The following VPS13B variants were observed in gnomAD, a reference collection of about 807,000 sequenced individuals.
VPS13B encodes the protein intermembrane lipid transfer protein VPS13B.
A neutral mutation model predicts 426.4 loss-of-function variants in VPS13B; 285 were observed. The observed-to-expected ratio is 0.67, with a 90% CI of 0.61 to 0.74. VPS13B has a LOEUF of 0.74. Ranked by LOEUF, VPS13B falls within the 30% of genes least tolerant of loss-of-function variation. VPS13B has a pLI of 0.00. For synonymous variants in VPS13B, 1,676 were observed against 1,676.4 expected, an observed-to-expected ratio of 1.00 and a Z score of 0.01; for missense variants, 4,537 against 4,782.6, an observed-to-expected ratio of 0.95 and a Z score of 1.51.
chr8:99,188,962 C>T (rs545882157), intron 16 of VPS13B, among the ~76,000 whole-genome samples: 15 of 152,262 alleles, frequency 9.9e-5, no homozygotes, highest in South Asian at 2.1e-4. Context: ...ATTATGAGAG[C>T]GATCTCGGCT....
At chr8:99,211,926 T>C (rs1386109784) in intron 17 of VPS13B, among the ~76,000 whole-genome samples, 1 of 152,156 alleles carries the variant, frequency 6.6e-6, no homozygotes, top group Non-Finnish European at 1.5e-5. Context: ...AGAGTCTTAC[T>C]CTGTCACCCA....
In VPS13B at chr8:99,336,052, G is replaced by A. The variant is rs576805436; in HGVS notation, c.2825-48156G>A. Reference sequence around the variant, plus strand: ...ATGGCACCAAAAAAGAGCCCGCATCGCCAAGTCAATCCTAAGCCAAAGAAC... The same window carrying A: ...ATGGCACCAAAAAAGAGCCCGCATCACCAAGTCAATCCTAAGCCAAAGAAC... On this transcript the variant is annotated intron_variant, in intron 19 of 61. Coordinates refer to ENST00000357162, the MANE Select transcript of VPS13B (RefSeq NM_152564.5). Among the ~76,000 whole-genome samples, 618 of 152,224 alleles carry A rather than the reference G, an allele frequency of 4.1e-3. 4 individuals are homozygous for A. Among genetic ancestry groups the A allele is most frequent in the Non-Finnish European group, 7.1e-3 (480 of 68,018 alleles).
chr8:99,687,735 A>G (rs1370539070), intron 35 of VPS13B, among the ~76,000 whole-genome samples: 1 of 152,080 alleles, frequency 6.6e-6, no homozygotes, highest in Non-Finnish European at 1.5e-5. Flanking sequence ...TCCACAGTTC[A>G]AGACTGTCTT....
rs768029540 is a variant in VPS13B, at chr8:99,854,198, G to A, written c.10809G>A (p.Ala3603=). The A allele has an allele frequency of 1.4e-5, 22 of 1,613,902 alleles. No homozygotes were observed. The highest frequency in any genetic ancestry group is 5.0e-5 in the Admixed American group (3 of 60,006). The stretch of plus-strand genomic sequence containing the variant: ...AAAGAGGACCCATCTTCACCACTGC[G>A]AGGCAGCTTGTGCACGCCCTGGCAA... ...VFERGPIFTT[A]RQLVHALAMH... The change falls in exon 56 of 62, where the codon GCG becomes GCA. Residue 3603 remains alanine, a synonymous_variant. Transcript: ENST00000357162.
chr8:99,351,793 A>G (rs1811909668), intron 19 of VPS13B, among the ~76,000 whole-genome samples: 1 of 152,176 alleles, frequency 6.6e-6, no homozygotes, highest in Non-Finnish European at 1.5e-5. Context: ...GAAAGCTGAC[A>G]TATGATAGTT....
At chr8:99,047,448 A>G (rs1750748123) in intron 3 of VPS13B, among the ~76,000 whole-genome samples, 1 of 146,036 alleles carries the variant, frequency 6.8e-6, no homozygotes, top group Non-Finnish European at 1.5e-5. Flanking sequence ...CTAATGGTCT[A>G]TCTGTTTTAC....
intron 8 of VPS13B, among the ~76,000 whole-genome samples, chr8:99,128,186 C>T (rs933523822): frequency 5.9e-5 from 9 of 151,450 alleles, no homozygotes; most frequent in Admixed American, 2.6e-4. Flanking sequence ...GTCAGGAGTT[C>T]GAGACCAGCC....
intron 25 of VPS13B, among the ~76,000 whole-genome samples, chr8:99,492,640 G>C: frequency 6.6e-6 from 1 of 152,208 alleles, no homozygotes; most frequent in East Asian, 1.9e-4. Flanking sequence ...CGCTAGCAGT[G>C]AGCAAGCCTC....
chr8:99,056,453 G>A (rs1301385066), intron 3 of VPS13B, among the ~76,000 whole-genome samples: 1 of 152,146 alleles, frequency 6.6e-6, no homozygotes, highest in Non-Finnish European at 1.5e-5. Context: ...TATATATAGA[G>A]TCATGTTATC....
chr8:99,645,932 G>C (rs1203147599), intron 34 of VPS13B, among the ~76,000 whole-genome samples: 1 of 152,108 alleles, frequency 6.6e-6, no homozygotes, highest in African/African-American at 2.4e-5. Flanking sequence ...CCCCAAGATA[G>C]TAACCTTAAG....
chr8:99,458,886 G>A (rs1462044779), intron 23 of VPS13B, among the ~76,000 whole-genome samples: 4 of 152,084 alleles, frequency 2.6e-5, no homozygotes. Context: ...TCACTCTGAT[G>A]GTAGTTTCTT....
In VPS13B at chr8:99,606,321, G is replaced by A. The variant is rs74778956; in HGVS notation, c.5220+28688G>A. Among the ~76,000 whole-genome samples the A allele has an allele frequency of 1.7e-3, 259 of 151,990 alleles. 2 individuals carry two copies. The East Asian group carries it at 0.045, about 27-fold the overall frequency. Reference sequence around the variant, plus strand: ...GAAATTATCACAAACTTAGTGGTTTGGAACAGCACAAATTTATCTTTCAGT... The same window carrying A: ...GAAATTATCACAAACTTAGTGGTTTAGAACAGCACAAATTTATCTTTCAGT... On this transcript the variant is annotated intron_variant, in intron 33 of 61. Transcript: ENST00000357162.
At chr8:99,522,738 T>G (rs1454918922) in intron 30 of VPS13B, among the ~76,000 whole-genome samples, 1 of 152,148 alleles carries the variant, frequency 6.6e-6, no homozygotes, top group Non-Finnish European at 1.5e-5. Flanking sequence ...GATGGCAAAC[T>G]CAACCTAATA....
intron 35 of VPS13B, among the ~76,000 whole-genome samples, chr8:99,665,555 G>C (rs1345303102): frequency 1.3e-5 from 2 of 152,108 alleles, no homozygotes; most frequent in Non-Finnish European, 2.9e-5. Context: ...AGTTTTCCCA[G>C]CACCATTTAT....
At chr8:99,695,354 A>C (rs1323236069) in intron 35 of VPS13B, among the ~76,000 whole-genome samples, 1 of 149,334 alleles carries the variant, frequency 6.7e-6, no homozygotes, top group African/African-American at 2.4e-5. Flanking sequence ...TACACCATGG[A>C]ATACTATGCA....
chr8:99,609,831 T>TTTCATGCTACTGCCTGGA (rs1827766682), intron 33 of VPS13B, among the ~76,000 whole-genome samples: 1 of 152,230 alleles, frequency 6.6e-6, no homozygotes, highest in Non-Finnish European at 1.5e-5. Context: ...AAATAGCTGT[T>TTTCATGCTACTGCCTGGA]TTCATGCTAC....
intron 27 of VPS13B, among the ~76,000 whole-genome samples, chr8:99,506,721 G>A (rs1371100329): frequency 1.3e-5 from 2 of 152,176 alleles, no homozygotes; most frequent in Non-Finnish European, 2.9e-5. Flanking sequence ...GCTGGGCATG[G>A]TGGTGTATGC....
chr8:99,044,084 C>CTTTTTTTTTTTTTTTTTTTTTTTTCT (rs5893476), intron 3 of VPS13B, among the ~76,000 whole-genome samples: 4 of 98,932 alleles, frequency 4.0e-5, no homozygotes, highest in Non-Finnish European at 7.4e-5. Flanking sequence ...TTCTTTCTTT[C>CTTTTTTTTTTTTTTTTTTTTTTTTCT]TTTTTTTTTT....
intron 17 of VPS13B, among the ~76,000 whole-genome samples, chr8:99,221,484 A>T (rs1563611224): frequency 6.6e-6 from 1 of 152,188 alleles, no homozygotes; most frequent in African/African-American, 2.4e-5. Flanking sequence ...AGAAATGTTA[A>T]TTTTTTTAAA....
Sources: allele counts gnomAD v4.1 joint callset (sites outside exome capture counted in the v4.1 genomes callset), GRCh38; gene constraint gnomAD v4.1.1; transcripts MANE v1.5; gene names NCBI Gene and HGNC (gene_info 2026-07-23, HGNC 2026-07-21).